Variants in ANKRD17 observed in about 807,000 individuals in gnomAD.
The protein encoded by ANKRD17 is ankyrin repeat domain-containing protein 17.
A neutral mutation model predicts 229.7 loss-of-function variants in ANKRD17; 19 were observed. The observed-to-expected ratio is 0.08, with a 90% CI of 0.06 to 0.12. The LOEUF (loss-of-function observed/expected upper bound fraction) is 0.12. ANKRD17 is among the 10% of genes least tolerant of loss of function. The pLI, the probability that ANKRD17 is intolerant of heterozygous loss-of-function variation, is 1.00. For synonymous variants in ANKRD17, 1,112 were observed against 1,146.1 expected (o/e 0.97, Z 0.60); for missense variants, 2,176 against 3,176.8 (o/e 0.68, Z 7.57).
intron 1 of ANKRD17, among the ~76,000 whole-genome samples, chr4:73,230,317 T>C (rs1231238802): frequency 1.3e-5 from 2 of 152,140 alleles, no homozygotes; most frequent in Non-Finnish European, 2.9e-5. Flanking sequence ...ATTCAAATAA[T>C]TAAAGATTTT....
At chr4:73,196,247 C>T (rs1451150574) in intron 1 of ANKRD17, among the ~76,000 whole-genome samples, 1 of 152,136 alleles carries the variant, frequency 6.6e-6, no homozygotes, top group African/African-American at 2.4e-5. Flanking sequence ...ACCTGCCCAC[C>T]TCGGCCTCCC....
chr4:73,179,488 G>GTA (rs1169079744), intron 1 of ANKRD17, among the ~76,000 whole-genome samples: 95 of 48,220 alleles, frequency 2.0e-3, no homozygotes, highest in African/African-American at 3.3e-3. Context: ...GTGTGTGTGT[G>GTA]TATATATATA....
chr4:73,160,359 C>T (rs1400523035), intron 3 of ANKRD17, among the ~76,000 whole-genome samples: 2 of 152,042 alleles, frequency 1.3e-5, no homozygotes, highest in African/African-American at 2.4e-5. Context: ...GCGGGGATTG[C>T]AGGCGTGCGC....
intron 22 of ANKRD17, among the ~76,000 whole-genome samples, chr4:73,117,984 A>AT (rs1377438294): frequency 1.1e-4 from 17 of 151,920 alleles, no homozygotes; most frequent in Admixed American, 3.3e-4. Context: ...TATTTAATTC[A>AT]TTTTTTTTCC....
intron 15 of ANKRD17, 87 bp downstream of exon 15, chr4:73,139,443 AG>A (rs1729338392): frequency 6.8e-7 from 1 of 1,476,872 alleles, no homozygotes; most frequent in Non-Finnish European, 9.1e-7. Flanking sequence ...ATAGTTCTCA[AG>A]TTGGGTAACG....
At chr4:73,088,425 T>A (rs1722427534) in intron 29 of ANKRD17, among the ~76,000 whole-genome samples, 2 of 152,162 alleles carry the variant, frequency 1.3e-5, no homozygotes, top group South Asian at 4.1e-4. Context: ...AAACCTCACC[T>A]TTCTTACAGA....
chr4:73,148,746 A>C, intron 8 of ANKRD17, 67 bp downstream of exon 8: 2 of 1,438,238 alleles, frequency 1.4e-6, no homozygotes, highest in South Asian at 2.5e-5. Context: ...ACTAAAATCC[A>C]ATTTTATAAA....
In ANKRD17 at chr4:73,078,806, C is replaced by T; in HGVS notation, c.7244G>A (p.Ser2415Asn). ...SSVPLGSEKP[S>N]NVSQDRKVPV... The stretch of plus-strand genomic sequence containing the variant: ...AACTTTCCTGTCCTGAGACACATTG[C>T]TGGGCTTTTCTGACCCTAACGGTAC... Residue 2415 changes from serine to asparagine, a missense_variant, in exon 31 of 34, where the codon AGC (serine) becomes AAC (asparagine). This residue lies in a region of ANKRD17 where 87 missense variants were observed against 116.0 expected (regional missense o/e 0.75). Transcript: ENST00000358602. The T allele has an allele frequency of 6.2e-7, 1 of 1,614,108 alleles. No individual in the cohort carries two copies. The highest frequency in any genetic ancestry group is 8.5e-7 in the Non-Finnish European group (1 of 1,180,016).
chr4:73,206,785 A>G (rs1739521448), intron 1 of ANKRD17, among the ~76,000 whole-genome samples: 1 of 152,220 alleles, frequency 6.6e-6, no homozygotes, highest in Non-Finnish European at 1.5e-5. Flanking sequence ...ACTAGAGTTA[A>G]TAACAATGTA....
chr4:73,109,357 G>A (rs1177989651), intron 24 of ANKRD17, among the ~76,000 whole-genome samples: 1 of 151,888 alleles, frequency 6.6e-6, no homozygotes, highest in Admixed American at 6.6e-5. Flanking sequence ...TGTAGATATT[G>A]GTGGGTGGAT....
chr4:73,099,056 C>G (rs1251493768), intron 25 of ANKRD17: 3 of 956,654 alleles, frequency 3.1e-6, no homozygotes, highest in Non-Finnish European at 5.1e-6. Context: ...CACCACAACT[C>G]CAGGAAGGAA....
chr4:73,073,831 T>A lies in ANKRD17; in HGVS notation c.*2400A>T, dbSNP rs1243914550. 1 of 152,022 alleles carries A rather than the reference T, an allele frequency of 6.6e-6. No homozygotes were observed. The highest frequency in any genetic ancestry group is 1.5e-5 in the Non-Finnish European group (1 of 67,886). 9.4% of individuals were successfully genotyped at this position (152,022 alleles called of 1,614,324 possible). Reference sequence around the variant, plus strand: ...AACTGATTATACAATAATTGAGATATTAACTACTTGGGGATTTAAGGTGTG... The same window carrying A: ...AACTGATTATACAATAATTGAGATAATAACTACTTGGGGATTTAAGGTGTG... On this transcript the variant is annotated 3_prime_UTR_variant, in exon 34 of 34. Transcript: ENST00000358602.
intron 1 of ANKRD17, among the ~76,000 whole-genome samples, chr4:73,247,223 C>T (rs891099269): frequency 6.6e-6 from 1 of 151,954 alleles, no homozygotes; most frequent in Non-Finnish European, 1.5e-5. Flanking sequence ...GAAAACAAAA[C>T]ACCATTTTTT....
chr4:73,207,971 G>A (rs1372619539), intron 1 of ANKRD17, among the ~76,000 whole-genome samples: 3 of 151,926 alleles, frequency 2.0e-5, no homozygotes, highest in Non-Finnish European at 2.9e-5. Context: ...GGTGGATCAC[G>A]AGGTCAGGAG....
rs942122654 is a variant in ANKRD17 at position 73,141,981 on chromosome 4, A to G, written c.2230-138T>C. The stretch of plus-strand genomic sequence containing the variant: ...TTAGACAATGACATATTTACTTAAA[A>G]TATGTTGGCACCAAATTGTTTACCA... On this transcript the variant is annotated intron_variant, in intron 13 of 33. Transcript: ENST00000358602. 7.0e-6 allele frequency: 6 copies of G among 861,946 alleles called. No individual in the cohort carries two copies. In the African/African-American group the frequency reaches 1.0e-4, roughly 15 times the overall value. 53.4% of individuals were successfully genotyped at this position (861,946 alleles called of 1,614,324 possible).
chr4:73,118,656 CA>C (rs1221639520), intron 22 of ANKRD17, 31 bp downstream of exon 22: 1 of 1,610,578 alleles, frequency 6.2e-7, no homozygotes, highest in African/African-American at 1.3e-5. Flanking sequence ...AGTAAAAAAA[CA>C]TCCAGGTAAA....
chr4:73,155,603 G>T, intron 5 of ANKRD17, 28 bp downstream of exon 5: 1 of 1,611,964 alleles, frequency 6.2e-7, no homozygotes, highest in South Asian at 1.1e-5. Context: ...TTACTATGTA[G>T]TAAAACTGAA....
chr4:73,140,353 G>C, intron 14 of ANKRD17, 70 bp from the exon 15 acceptor site: 3 of 1,483,856 alleles, frequency 2.0e-6, no homozygotes, highest in Non-Finnish European at 2.7e-6. Context: ...ACTGTTGGGA[G>C]GTTTAGTGCC....
chr4:73,121,279 T>C lies in ANKRD17; in HGVS notation c.3636-185A>G, dbSNP rs373637831. On this transcript the variant is annotated intron_variant, in intron 19 of 33. Transcript: ENST00000358602. ...CTCCATTAGAAATGTTTTATTAGAA[T>C]ATTTTTTGTATTTCACTCAACATAA... is the stretch of plus-strand genomic sequence containing the variant. 1,024 of 635,078 alleles carry C rather than the reference T, an allele frequency of 1.6e-3. 17 individuals carry two copies. The South Asian group carries it at 0.02, about 12-fold the overall frequency. The allele number at this position is 635,078 out of a possible 1,614,324, so 39.3% of individuals were successfully genotyped here.
Sources: gnomAD v4.1 joint callset for allele counts (sites outside exome capture counted in the v4.1 genomes callset) on GRCh38, gnomAD v4.1.1 for gene constraint, gnomAD v4.1.1 regional missense constraint, MANE v1.5 for transcripts, NCBI Gene and HGNC (gene_info 2026-07-23, HGNC 2026-07-21) for gene names.